The following ENTREP2 variants were observed in gnomAD, a reference collection of about 807,000 sequenced individuals.
The protein encoded by ENTREP2 is protein ENTREP2.
At chr15:29,344,931 GACACACACACACACACAC>G in the ENTREP2 span, among the ~76,000 whole-genome samples, 37 of 142,494 alleles carry the variant, frequency 2.6e-4, no homozygotes, top group African/African-American at 8.9e-4. Flanking sequence ...CACGCGCGCA[GACACACACACACACACAC>G]ACACACACAC....
chr15:29,271,385 A>G, the ENTREP2 span, among the ~76,000 whole-genome samples: 1 of 152,196 alleles, frequency 6.6e-6, no homozygotes, highest in Non-Finnish European at 1.5e-5. Context: ...TATTGAGGGA[A>G]TAGAGAGACC....
the ENTREP2 span, among the ~76,000 whole-genome samples, chr15:29,278,527 T>A: frequency 3.9e-5 from 6 of 152,182 alleles, no homozygotes; most frequent in East Asian, 1.2e-3. Context: ...CTGTGAGGCC[T>A]GGGCTCCAAG....
chr15:29,536,073 G>C, the ENTREP2 span, among the ~76,000 whole-genome samples: 5 of 152,244 alleles, frequency 3.3e-5, no homozygotes, highest in South Asian at 1.0e-3. Context: ...AAGGTCAAGT[G>C]AATCTACCTC....
the ENTREP2 span, among the ~76,000 whole-genome samples, chr15:29,306,807 G>A: frequency 1.3e-5 from 2 of 150,544 alleles, no homozygotes; most frequent in African/African-American, 4.9e-5. Flanking sequence ...GTGCAGTGGC[G>A]CGATCTCAGC....
At chr15:29,204,026 C>A in the ENTREP2 span, among the ~76,000 whole-genome samples, 1 of 152,174 alleles carries the variant, frequency 6.6e-6, no homozygotes, top group Non-Finnish European at 1.5e-5. Context: ...CCAAATAAAT[C>A]TTTTCCATCA....
At chr15:29,308,289 T>C in the ENTREP2 span, among the ~76,000 whole-genome samples, 6 of 152,100 alleles carry the variant, frequency 3.9e-5, no homozygotes, top group African/African-American at 7.2e-5. Context: ...GGCAGGAGAA[T>C]TGCTTAAGCC....
At chr15:29,225,245 C>T in the ENTREP2 span, among the ~76,000 whole-genome samples, 3 of 152,264 alleles carry the variant, frequency 2.0e-5, no homozygotes, top group Non-Finnish European at 4.4e-5. Context: ...AGAGTGGGCA[C>T]CAAGGCCGAG....
the ENTREP2 span, among the ~76,000 whole-genome samples, chr15:29,555,931 C>T: frequency 8.5e-5 from 13 of 152,278 alleles, no homozygotes; most frequent in South Asian, 6.2e-4. Flanking sequence ...CTGAATCTCC[C>T]GCATGGGTAG....
chr15:29,314,143 A>T, the ENTREP2 span, among the ~76,000 whole-genome samples: 1 of 152,222 alleles, frequency 6.6e-6, no homozygotes, highest in African/African-American at 2.4e-5. Context: ...CTTGAGATGG[A>T]ATCTACTCTT....
At chr15:29,126,066 A>G in the ENTREP2 span, among the ~76,000 whole-genome samples, 20 of 152,174 alleles carry the variant, frequency 1.3e-4, no homozygotes, top group Non-Finnish European at 2.1e-4. Flanking sequence ...TGCCAGAGTG[A>G]CAAGCCTGGT....
the ENTREP2 span, chr15:29,268,718 C>A: frequency 3.8e-5 from 57 of 1,481,766 alleles, no homozygotes; most frequent in African/African-American, 6.9e-4. Context: ...GTTCGTTCTC[C>A]CTTCCCCCAA....
the ENTREP2 span, among the ~76,000 whole-genome samples, chr15:29,484,004 G>A: frequency 6.6e-6 from 1 of 152,136 alleles, no homozygotes; most frequent in Non-Finnish European, 1.5e-5. Flanking sequence ...CAGTCCTGGA[G>A]CTCCTGCAGG....
the ENTREP2 span, among the ~76,000 whole-genome samples, chr15:29,178,535 C>A: frequency 0.023 from 3,471 of 151,974 alleles, 121 homozygotes; most frequent in African/African-American, 0.08. Context: ...GTCCCTGGGG[C>A]CTGGGCGAGC....
chr15:29,408,780 G>A, the ENTREP2 span, among the ~76,000 whole-genome samples: 3 of 151,978 alleles, frequency 2.0e-5, no homozygotes, highest in Admixed American at 2.0e-4. Context: ...TTTTCAAATA[G>A]AAAAGTACAA....
the ENTREP2 span, among the ~76,000 whole-genome samples, chr15:29,649,371 A>G: frequency 6.6e-6 from 1 of 152,168 alleles, no homozygotes; most frequent in South Asian, 2.1e-4. Context: ...AAACATGAAT[A>G]GATTTTTTTA....
the ENTREP2 span, among the ~76,000 whole-genome samples, chr15:29,656,840 C>T: frequency 1.3e-5 from 2 of 152,204 alleles, no homozygotes; most frequent in Non-Finnish European, 1.5e-5. Context: ...TCTAATCTCA[C>T]TGCTAGGTAT....
the ENTREP2 span, among the ~76,000 whole-genome samples, chr15:29,215,434 C>T: frequency 1.5e-4 from 23 of 152,216 alleles, no homozygotes; most frequent in African/African-American, 5.5e-4. Flanking sequence ...TTCTCCCATG[C>T]TGGATGCTTC....
the ENTREP2 span, among the ~76,000 whole-genome samples, chr15:29,491,615 A>G: frequency 0.43 from 65,104 of 152,038 alleles, 14,377 homozygotes; most frequent in African/African-American, 0.53. Context: ...AGGAAGTTTC[A>G]CACAGTAGCT....
At chr15:29,546,765 T>C in the ENTREP2 span, among the ~76,000 whole-genome samples, 606 of 151,714 alleles carry the variant, frequency 4.0e-3, 15 homozygotes, top group East Asian at 0.062. Context: ...TGGGCACCTG[T>C]AGTCCCAGCT....
Sources: allele counts gnomAD v4.1 joint callset (sites outside exome capture counted in the v4.1 genomes callset), GRCh38; gene constraint gnomAD v4.1.1; transcripts MANE v1.5; gene names NCBI Gene and HGNC (gene_info 2026-07-23, HGNC 2026-07-21).